The following DMD variants were observed in gnomAD, a reference collection of about 807,000 sequenced individuals.
The protein encoded by DMD is dystrophin.
DMD carries 63 observed loss-of-function variants against 330.1 expected under a neutral mutation model. The observed-to-expected ratio is 0.19, with a 90% CI of 0.16 to 0.24. The LOEUF (loss-of-function observed/expected upper bound fraction) is 0.24, where lower values mean the gene tolerates loss of function less well. Ranked by LOEUF, DMD falls within the 10% of genes least tolerant of loss-of-function variation. The pLI, the probability that DMD is intolerant of heterozygous loss-of-function variation, is 1.00. For missense variants in DMD, 3,344 were observed against 2,684.1 expected, an observed-to-expected ratio of 1.25 and a Z score of -5.43; for synonymous variants, 1,223 against 959.8, an observed-to-expected ratio of 1.27 and a Z score of -5.07.
At chrX:32,088,677 AGTGTGTGTGTGTGTGT>A (rs34596391) in intron 44 of DMD, among the ~76,000 whole-genome samples, 4 of 97,399 alleles carry the variant, frequency 4.1e-5, no homozygotes, top group Admixed American at 1.2e-4. Flanking sequence ...ATAGCTCTGA[AGTGTGTGTGTGTGTGT>A]GTGTGTGTGT....
At chrX:31,498,813 C>T (rs2070121292) in intron 56 of DMD, among the ~76,000 whole-genome samples, 1 of 112,049 alleles carries the variant, frequency 8.9e-6, no homozygotes. Flanking sequence ...GGTATTATTT[C>T]CCAAGAACTG....
At chrX:31,125,661 G>A (rs1241712840) in intron 78 of DMD, among the ~76,000 whole-genome samples, 1 of 111,735 alleles carries the variant, frequency 8.9e-6, no homozygotes, top group Non-Finnish European at 1.9e-5. Flanking sequence ...TCATCCAACA[G>A]TCACTTAATT....
intron 51 of DMD, among the ~76,000 whole-genome samples, chrX:31,755,144 A>G (rs187681414): frequency 1.7e-3 from 191 of 110,808 alleles, no homozygotes; most frequent in African/African-American, 5.9e-3. Context: ...ACTATTTTTT[A>G]TCACAGTCAA....
At chrX:31,905,656 G>T (rs754015986) in intron 47 of DMD, among the ~76,000 whole-genome samples, 1 of 110,203 alleles carries the variant, frequency 9.1e-6, no homozygotes, top group Non-Finnish European at 1.9e-5. Flanking sequence ...ATGGGGAAAA[G>T]AGCAAAGGGG....
intron 44 of DMD, among the ~76,000 whole-genome samples, chrX:32,080,231 T>C (rs751473950): frequency 8.9e-6 from 1 of 112,288 alleles, no homozygotes. Context: ...TTGTTACTTA[T>C]AGCCACATGG....
intron 11 of DMD, among the ~76,000 whole-genome samples, chrX:32,643,452 T>A (rs1238502780): frequency 9.0e-6 from 1 of 111,110 alleles, no homozygotes; most frequent in African/African-American, 3.3e-5. Flanking sequence ...TTCATTTCTT[T>A]TCATTTAAAA....
At chrX:32,619,391 G>A (rs2057823271) in intron 11 of DMD, among the ~76,000 whole-genome samples, 1 of 111,221 alleles carries the variant, frequency 9.0e-6, no homozygotes, top group African/African-American at 3.3e-5. Context: ...GTATTTTACA[G>A]CATGGTGACT....
At chrX:32,912,208 C>G (rs776221921) in intron 2 of DMD, among the ~76,000 whole-genome samples, 18 of 110,909 alleles carry the variant, frequency 1.6e-4, no homozygotes, top group African/African-American at 5.9e-4. Flanking sequence ...GGGGGGACAT[C>G]AAAGCATATG....
At chrX:31,402,560 T>A (rs1487382556) in intron 60 of DMD, among the ~76,000 whole-genome samples, 1 of 112,026 alleles carries the variant, frequency 8.9e-6, no homozygotes, top group Admixed American at 9.5e-5. Flanking sequence ...CTTCTAGTGA[T>A]AATGTTCCAG....
At chrX:31,937,881 T>C (rs914563178) in intron 45 of DMD, among the ~76,000 whole-genome samples, 2 of 111,722 alleles carry the variant, frequency 1.8e-5, no homozygotes, top group Non-Finnish European at 3.8e-5. Context: ...ATATTTTACT[T>C]TTAGAAGCAT....
chrX:33,199,703 G>T, intron 1 of DMD, among the ~76,000 whole-genome samples: 1 of 111,397 alleles, frequency 9.0e-6, no homozygotes, highest in Non-Finnish European at 1.9e-5. Context: ...GCTAGGACTA[G>T]ATCCCAAGGA....
intron 44 of DMD, among the ~76,000 whole-genome samples, chrX:32,031,063 AT>A (rs1264254340): frequency 2.7e-5 from 3 of 111,527 alleles, no homozygotes; most frequent in Non-Finnish European, 5.7e-5. Flanking sequence ...ACTCAAATTA[AT>A]CAAAAACAGT....
chrX:32,022,643 C>A (rs2095814311), intron 44 of DMD, among the ~76,000 whole-genome samples: 1 of 111,712 alleles, frequency 9.0e-6, no homozygotes, highest in African/African-American at 3.3e-5. Context: ...ATACATATAT[C>A]TTCTGTCTTT....
At chrX:32,395,067 G>A (rs1365325492) in intron 30 of DMD, among the ~76,000 whole-genome samples, 4 of 110,637 alleles carry the variant, frequency 3.6e-5, no homozygotes, top group African/African-American at 1.3e-4. Flanking sequence ...ACAAATGAAG[G>A]TAGAAACATC....
Position 32,747,312 on chromosome X carries a change from G to A in DMD, c.650-48019C>T, listed in dbSNP as rs762102422. Among the ~76,000 whole-genome samples the A allele has an allele frequency of 1.5e-3, 163 of 111,742 alleles. 1 individual carries two copies. The highest frequency in any genetic ancestry group is 5.1e-3 in the African/African-American group (157 of 30,787). On this transcript the variant is annotated intron_variant, in intron 7 of 78. Coordinates refer to ENST00000357033, the MANE Select transcript of DMD (RefSeq NM_004006.3). The stretch of plus-strand genomic sequence containing the variant: ...GCAATTCTGAGGATTAACCTGTTTG[G>A]GACAGCTACTCCAGGGCAAAGCTAC...
In DMD at chrX:33,294,082, T is replaced by C. The variant is rs773979601; in HGVS notation, c.7+45177A>G. 2.3e-4 allele frequency among the ~76,000 whole-genome samples: 26 copies of C among 111,517 alleles called. No individual in the cohort carries two copies. In the South Asian group the frequency reaches 9.7e-3, roughly 42 times the overall value. ...GAAGCACCCTGTTTTTGGCCATGTC[T>C]ATCCAGAGTAAAGTTTCTGTCACAC... is the stretch of plus-strand genomic sequence containing the variant. On this transcript the variant is annotated intron_variant, in intron 1 of 17. Coordinates refer to the DMD transcript ENST00000288447.
intron 1 of DMD, among the ~76,000 whole-genome samples, chrX:33,263,344 A>G (rs1034356185): frequency 9.1e-6 from 1 of 109,581 alleles, no homozygotes; most frequent in Non-Finnish European, 1.9e-5. Context: ...GTTAAAGGCA[A>G]GACTGGAGAC....
intron 51 of DMD, among the ~76,000 whole-genome samples, chrX:31,772,915 C>T (rs994212770): frequency 3.6e-5 from 4 of 111,695 alleles, no homozygotes; most frequent in African/African-American, 6.5e-5. Context: ...GAATAGGAAA[C>T]GAAGATCCAG....
intron 1 of DMD, among the ~76,000 whole-genome samples, chrX:33,175,289 C>T (rs1437072437): frequency 8.9e-6 from 1 of 112,367 alleles, no homozygotes; most frequent in Admixed American, 9.4e-5. Flanking sequence ...GCTTTGAAAT[C>T]ACCCCATGTG....
Sources: allele counts gnomAD v4.1 joint callset (sites outside exome capture counted in the v4.1 genomes callset), GRCh38; gene constraint gnomAD v4.1.1; transcripts MANE v1.5; gene names NCBI Gene and HGNC (gene_info 2026-07-23, HGNC 2026-07-21).